SYNPR: variants seen among roughly 807,000 people sequenced by gnomAD.
The protein encoded by SYNPR is synaptoporin.
Under a neutral mutation model 32.9 loss-of-function variants are expected in SYNPR, and 23 were observed. That is an observed-to-expected ratio of 0.70 (90% CI 0.50 to 0.99). SYNPR has a LOEUF of 0.99. SYNPR is among the 50% of genes least tolerant of loss of function. The pLI is 0.00. For missense variants in SYNPR, 318 were observed against 349.3 expected, an observed-to-expected ratio of 0.91 and a Z score of 0.71; for synonymous variants, 146 against 135.9, an observed-to-expected ratio of 1.07 and a Z score of -0.52.
At chr3:63,432,039 C>T (rs560139188) in intron 2 of SYNPR, among the ~76,000 whole-genome samples, 21 of 152,252 alleles carry the variant, frequency 1.4e-4, no homozygotes, top group African/African-American at 4.6e-4. Flanking sequence ...GAATTTGATG[C>T]TTGCAGGAGC....
At chr3:63,223,526 A>C (rs12494799), upstream of SYNPR, among the ~76,000 whole-genome samples, 119,192 of 151,580 alleles carry the variant, frequency 0.79, 47,415 homozygotes, top group Middle Eastern at 0.88. Flanking sequence ...GGTGTTCTTA[A>C]CAGACTATCG....
chr3:63,589,305 A>G (rs892475672), intron 4 of SYNPR, among the ~76,000 whole-genome samples: 1 of 152,120 alleles, frequency 6.6e-6, no homozygotes, highest in Non-Finnish European at 1.5e-5. Context: ...GACTTTTCCT[A>G]CAAAGCTATT....
intron 3 of SYNPR, among the ~76,000 whole-genome samples, chr3:63,489,946 C>T (rs748971927): frequency 4.6e-5 from 7 of 152,014 alleles, no homozygotes; most frequent in African/African-American, 1.2e-4. Flanking sequence ...CTAAGTGGAG[C>T]GGGGAGTGAC....
At chr3:63,239,419 C>T (rs2086222487) in intron 1 of SYNPR, among the ~76,000 whole-genome samples, 1 of 150,380 alleles carries the variant, frequency 6.6e-6, no homozygotes, top group African/African-American at 2.4e-5. Flanking sequence ...CCAATCCTAC[C>T]ATTGCCCAGT....
intron 2 of SYNPR, among the ~76,000 whole-genome samples, chr3:63,397,938 AT>A (rs948415716): frequency 1.2e-4 from 19 of 152,312 alleles, no homozygotes; most frequent in African/African-American, 4.3e-4. Context: ...CAAAGAAATC[AT>A]TTTGATATAT....
intron 2 of SYNPR, among the ~76,000 whole-genome samples, chr3:63,398,549 A>C (rs966192358): frequency 6.6e-6 from 1 of 151,532 alleles, no homozygotes; most frequent in Non-Finnish European, 1.5e-5. Context: ...TCTACTAAAA[A>C]ATATTAAAAA....
At chr3:63,449,710 T>G (rs1313632826) in intron 2 of SYNPR, among the ~76,000 whole-genome samples, 1 of 152,226 alleles carries the variant, frequency 6.6e-6, no homozygotes, top group Non-Finnish European at 1.5e-5. Flanking sequence ...TCCCCGAATA[T>G]ACTAGTGCCA....
intron 2 of SYNPR, among the ~76,000 whole-genome samples, chr3:63,433,807 C>T (rs1245827782): frequency 2.0e-5 from 3 of 151,896 alleles, no homozygotes; most frequent in South Asian, 2.1e-4. Context: ...AATGGATTAC[C>T]CTCATATCAT....
chr3:63,401,962 G>C (rs2088298697), intron 2 of SYNPR, among the ~76,000 whole-genome samples: 1 of 152,156 alleles, frequency 6.6e-6, no homozygotes, highest in Non-Finnish European at 1.5e-5. Context: ...GAGACACCTA[G>C]AGAACAAAGT....
chr3:63,594,002 A>G (rs1008052177), intron 4 of SYNPR, among the ~76,000 whole-genome samples: 5 of 152,156 alleles, frequency 3.3e-5, no homozygotes, highest in African/African-American at 1.2e-4. Context: ...CAAACAAAAA[A>G]ATCAATGGGA....
At chr3:63,238,500 T>C (rs2086215325) in intron 1 of SYNPR, among the ~76,000 whole-genome samples, 1 of 152,006 alleles carries the variant, frequency 6.6e-6, no homozygotes, top group African/African-American at 2.4e-5. Context: ...TGAGATATAA[T>C]TTTGGAATGA....
chr3:63,246,403 C>T (rs2086290739), intron 1 of SYNPR, among the ~76,000 whole-genome samples: 1 of 152,150 alleles, frequency 6.6e-6, no homozygotes, highest in Non-Finnish European at 1.5e-5. Context: ...TTAGTGAGCA[C>T]CTACTGTGTA....
intron 2 of SYNPR, among the ~76,000 whole-genome samples, chr3:63,459,788 T>C (rs1032135928): frequency 1.3e-5 from 2 of 152,096 alleles, no homozygotes; most frequent in African/African-American, 4.8e-5. Context: ...TCACATTCTT[T>C]ACACAGACTC....
chr3:63,437,894 CT>C (rs1700113143), intron 2 of SYNPR, among the ~76,000 whole-genome samples: 1 of 152,104 alleles, frequency 6.6e-6, no homozygotes, highest in Non-Finnish European at 1.5e-5. Flanking sequence ...AGAAAGGGAG[CT>C]TATTGATGGG....
At chr3:63,478,592 A>T (rs1700979495) in intron 2 of SYNPR, among the ~76,000 whole-genome samples, 1 of 152,184 alleles carries the variant, frequency 6.6e-6, no homozygotes, top group Non-Finnish European at 1.5e-5. Flanking sequence ...TTATGTGCAC[A>T]ATTGCCTATC....
chr3:63,540,543 C>T (rs547094945), intron 3 of SYNPR, among the ~76,000 whole-genome samples: 31 of 151,856 alleles, frequency 2.0e-4, no homozygotes, highest in South Asian at 1.5e-3. Flanking sequence ...GAAAAAGAAA[C>T]GAGCCTCTGC....
chr3:63,493,091 C>T (rs1432381068), intron 3 of SYNPR, among the ~76,000 whole-genome samples: 1 of 152,048 alleles, frequency 6.6e-6, no homozygotes, highest in Non-Finnish European at 1.5e-5. Flanking sequence ...TGCTTTGCGT[C>T]CCCTCAAGCA....
chr3:63,499,575 C>T (rs920310750), intron 3 of SYNPR, among the ~76,000 whole-genome samples: 2 of 151,974 alleles, frequency 1.3e-5, no homozygotes, highest in Non-Finnish European at 2.9e-5. Flanking sequence ...AACTCTGAAT[C>T]AAGAAGGAGG....
intron 3 of SYNPR, among the ~76,000 whole-genome samples, chr3:63,494,514 C>CAT (rs1317328296): frequency 0.048 from 2,348 of 49,172 alleles, 110 homozygotes; most frequent in Non-Finnish European, 0.062. Context: ...TACATATATA[C>CAT]ATATATACAT....
Sources: gnomAD v4.1 joint callset for allele counts (sites outside exome capture counted in the v4.1 genomes callset) on GRCh38, gnomAD v4.1.1 for gene constraint, MANE v1.5 for transcripts, NCBI Gene and HGNC (gene_info 2026-07-23, HGNC 2026-07-21) for gene names.